The following EVA1C variants were observed in gnomAD, a reference collection of about 807,000 sequenced individuals.
EVA1C encodes the protein eva-1 homolog C, also known as protein eva-1 homolog C.
In EVA1C, 25 loss-of-function variants were observed where a neutral mutation model predicts 45.4. That is an observed-to-expected ratio of 0.55 (90% confidence interval 0.40 to 0.77). The LOEUF is 0.77. Ranked by LOEUF, EVA1C falls within the 30% of genes least tolerant of loss-of-function variation. EVA1C has a pLI of 0.00. For synonymous variants in EVA1C, 190 were observed against 221.2 expected (o/e 0.86, Z 1.25); for missense variants, 479 against 554.8 (o/e 0.86, Z 1.37).
At chr21:32,473,627 G>A (rs561252896) in intron 4 of EVA1C, among the ~76,000 whole-genome samples, 23 of 152,234 alleles carry the variant, frequency 1.5e-4, no homozygotes, top group African/African-American at 4.8e-4. Context: ...AGCCTCCTCC[G>A]GGCATCTCTC....
chr21:32,486,648 G>A (rs1442865555), intron 4 of EVA1C, among the ~76,000 whole-genome samples: 1 of 152,076 alleles, frequency 6.6e-6, no homozygotes, highest in Non-Finnish European at 1.5e-5. Flanking sequence ...TTGGAAAAAA[G>A]GCCTTAATAG....
Position 32,484,542 on chromosome 21 carries a change from T to C in EVA1C, c.635-10485T>C, listed in dbSNP as rs1199687176. ...CTGGGCGACAAAGAGAGACTCCATC[T>C]CAAAAAAAAAAAAAAAATTTATTGG... On this transcript the variant is annotated intron_variant, in intron 4 of 7. Transcript: ENST00000300255. 8.8e-5 allele frequency among the ~76,000 whole-genome samples: 12 copies of C among 136,576 alleles called. No homozygotes were observed. In the East Asian group the frequency reaches 2.8e-3, roughly 32 times the overall value. The allele number at this position is 136,576 out of a possible 152,430, so 89.6% of individuals were successfully genotyped here.
chr21:32,439,277 C>T (rs2035084787), intron 1 of EVA1C, among the ~76,000 whole-genome samples: 1 of 144,868 alleles, frequency 6.9e-6, no homozygotes, highest in Admixed American at 7.0e-5. Flanking sequence ...CGACCACCGT[C>T]AGCAAAGGAA....
At chr21:32,449,263 T>G (rs1428572147) in intron 1 of EVA1C, among the ~76,000 whole-genome samples, 1 of 152,210 alleles carries the variant, frequency 6.6e-6, no homozygotes, top group Non-Finnish European at 1.5e-5. Flanking sequence ...ACTTTTGGTG[T>G]TGTACGTTGC....
intron 7 of EVA1C, among the ~76,000 whole-genome samples, chr21:32,506,276 G>A (rs2037720056): frequency 6.8e-6 from 1 of 147,426 alleles, no homozygotes; most frequent in Admixed American, 6.9e-5. Flanking sequence ...TACAGAACAG[G>A]TGCACAGTCA....
chr21:32,421,261 G>T (rs1261105004), intron 1 of EVA1C, among the ~76,000 whole-genome samples: 2 of 152,208 alleles, frequency 1.3e-5, no homozygotes, highest in Non-Finnish European at 2.9e-5. Flanking sequence ...TCTTGACAAC[G>T]AAGATTTAAC....
chr21:32,475,897 A>AC (rs142522133), intron 4 of EVA1C, among the ~76,000 whole-genome samples: 58,997 of 150,652 alleles, frequency 0.39, 12,104 homozygotes, highest in East Asian at 0.49. Context: ...CTATCTATCT[A>AC]TCTATCTATC....
chr21:32,460,948 G>A (rs138284602), intron 3 of EVA1C, among the ~76,000 whole-genome samples: 21,718 of 152,138 alleles, frequency 0.14, 1,798 homozygotes, highest in East Asian at 0.25. Flanking sequence ...GTTTCACCAT[G>A]TTGGCCAGGC....
intron 4 of EVA1C, among the ~76,000 whole-genome samples, chr21:32,493,248 T>C (rs1378356663): frequency 6.6e-6 from 1 of 152,174 alleles, no homozygotes; most frequent in Admixed American, 6.5e-5. Context: ...ATTCTTAAAA[T>C]TGCTTCCAAA....
intron 7 of EVA1C, among the ~76,000 whole-genome samples, chr21:32,504,557 G>A (rs1365930608): frequency 1.3e-5 from 2 of 152,126 alleles, no homozygotes; most frequent in Non-Finnish European, 1.5e-5. Flanking sequence ...CGGCCACACC[G>A]CGGGGACCTC....
At chr21:32,436,602 G>A (rs1038424288) in intron 1 of EVA1C, among the ~76,000 whole-genome samples, 2 of 152,412 alleles carry the variant, frequency 1.3e-5, no homozygotes, top group Middle Eastern at 3.4e-3. Flanking sequence ...CATTGACTTG[G>A]TTTTCAATTC....
intron 4 of EVA1C, among the ~76,000 whole-genome samples, chr21:32,487,987 G>A: frequency 6.6e-6 from 1 of 152,280 alleles, no homozygotes; most frequent in Admixed American, 6.5e-5. Flanking sequence ...GGGCTGGGGG[G>A]TAGTCTTGTG....
chr21:32,495,438 G>T (rs761826656), intron 5 of EVA1C, among the ~76,000 whole-genome samples: 1 of 152,168 alleles, frequency 6.6e-6, no homozygotes, highest in Non-Finnish European at 1.5e-5. Flanking sequence ...GGGGAGGGTG[G>T]AGAAGGAACA....
At chr21:32,495,767 C>T (rs576035252) in intron 5 of EVA1C, among the ~76,000 whole-genome samples, 32 of 152,292 alleles carry the variant, frequency 2.1e-4, no homozygotes, top group Middle Eastern at 3.4e-3. Context: ...CATAAAGCCA[C>T]GTAAAAGCAA....
chr21:32,415,987 C>A (rs1173884470), intron 1 of EVA1C, among the ~76,000 whole-genome samples: 1 of 152,148 alleles, frequency 6.6e-6, no homozygotes, highest in African/African-American at 2.4e-5. Flanking sequence ...ACTTAAAAAA[C>A]AAAACAAACC....
In EVA1C at chr21:32,452,126, A is replaced by C. The variant is rs142533537; in HGVS notation, c.161-1186A>C. On this transcript the variant is annotated intron_variant, in intron 1 of 7. Coordinates refer to ENST00000300255, the MANE Select transcript of EVA1C (RefSeq NM_058187.5). The surrounding 1 kb of genome is among the most constrained non-coding windows in gnomAD (Gnocchi z 4.0). Reference sequence around the variant, plus strand: ...TGGCCTCACTAGTGGGAGATGAGCAAATGAAAGCCTCCCTCAGGATGGGCA... The same window carrying C: ...TGGCCTCACTAGTGGGAGATGAGCACATGAAAGCCTCCCTCAGGATGGGCA... 80 of 152,338 alleles carry C rather than the reference A, an allele frequency of 5.3e-4. No individual in the cohort carries two copies. The highest frequency in any genetic ancestry group is 6.8e-3 in the Middle Eastern group (2 of 296). 9.4% of individuals were successfully genotyped at this position (152,338 alleles called of 1,614,324 possible).
chr21:32,509,044 A>G (rs1238537036), intron 7 of EVA1C, among the ~76,000 whole-genome samples: 1 of 152,268 alleles, frequency 6.6e-6, no homozygotes, highest in Non-Finnish European at 1.5e-5. Context: ...AGTATAAAGT[A>G]GTCCAAGTGA....
At chr21:32,491,806 A>G (rs1315974025) in intron 4 of EVA1C, among the ~76,000 whole-genome samples, 1 of 151,718 alleles carries the variant, frequency 6.6e-6, no homozygotes, top group Non-Finnish European at 1.5e-5. Context: ...GCTGGAACTG[A>G]GGCTATGGCA....
At chr21:32,428,966 T>TC (rs1208457558) in intron 1 of EVA1C, among the ~76,000 whole-genome samples, 1 of 152,194 alleles carries the variant, frequency 6.6e-6, no homozygotes, top group African/African-American at 2.4e-5. Flanking sequence ...GCATTCAGGG[T>TC]CCAAGGCTGA....
Sources: allele counts gnomAD v4.1 joint callset (sites outside exome capture counted in the v4.1 genomes callset), GRCh38; gene constraint gnomAD v4.1.1; non-coding constraint Gnocchi (gnomAD v3.1); transcripts MANE v1.5; gene names NCBI Gene and HGNC (gene_info 2026-07-23, HGNC 2026-07-21).